TERB2: variants seen among roughly 807,000 people sequenced by gnomAD.
TERB2 encodes the protein telomere repeat binding bouquet formation protein 2.
TERB2 carries 26 observed loss-of-function variants against 29.8 expected under a neutral mutation model. The observed-to-expected ratio is 0.87, with a 90% CI of 0.64 to 1.21. TERB2 has a LOEUF of 1.21. Among genes scored for constraint, TERB2 ranks in the 50% most tolerant of loss-of-function variants. TERB2 has a pLI of 0.00. For synonymous variants in TERB2, 80 were observed against 90.8 expected, an observed-to-expected ratio of 0.88 and a Z score of 0.68; for missense variants, 240 against 268.6, an observed-to-expected ratio of 0.89 and a Z score of 0.74.
chr15:44,967,418 T>A (rs1891907683), intron 5 of TERB2, among the ~76,000 whole-genome samples: 1 of 152,242 alleles, frequency 6.6e-6, no homozygotes, highest in Admixed American at 6.5e-5. Context: ...GTAATCAGTC[T>A]AAAGCATTTA....
In TERB2 at chr15:44,958,516, A is replaced by G. The variant is rs760514018; in HGVS notation, c.286+4A>G. ...CCTCCTGCGTGCCTGCAAAAAGGTT[A>G]GCAAAGATCATTCAGCCAATCCCTG... is the stretch of plus-strand genomic sequence containing the variant. On this transcript the variant is annotated splice_donor_region_variant and intron_variant, in intron 3 of 6. Transcript: ENST00000340827. The G allele has an allele frequency of 6.9e-6, 11 of 1,604,420 alleles. No individual in the cohort carries two copies. Among genetic ancestry groups the G allele is most frequent in the Admixed American group, 1.7e-5 (1 of 58,376 alleles).
chr15:44,968,936 G>T (rs1220036042), intron 5 of TERB2, among the ~76,000 whole-genome samples: 1 of 151,944 alleles, frequency 6.6e-6, no homozygotes, highest in Non-Finnish European at 1.5e-5. Flanking sequence ...GTTTGTGTGT[G>T]TGAGAGAGAG....
chr15:44,962,183 C>CTT (rs776185424), intron 4 of TERB2, among the ~76,000 whole-genome samples: 5 of 138,216 alleles, frequency 3.6e-5, no homozygotes, highest in Admixed American at 7.2e-5. Flanking sequence ...TTTACCAGTT[C>CTT]TTTTTTTTTT....
At chr15:44,969,687 G>A (rs1891940406) in intron 5 of TERB2, among the ~76,000 whole-genome samples, 1 of 151,546 alleles carries the variant, frequency 6.6e-6, no homozygotes, top group South Asian at 2.1e-4. Context: ...CTAGCTACTT[G>A]GGAGGCTGGG....
chr15:44,969,158 A>C (rs980009652), intron 5 of TERB2, among the ~76,000 whole-genome samples: 2 of 152,044 alleles, frequency 1.3e-5, no homozygotes, highest in African/African-American at 4.8e-5. Flanking sequence ...ACAGTGGCAC[A>C]ATCTTGGCTC....
At chr15:44,964,772 C>G (rs182412108) in intron 4 of TERB2, among the ~76,000 whole-genome samples, 100 of 152,050 alleles carry the variant, frequency 6.6e-4, no homozygotes, top group African/African-American at 2.2e-3. Context: ...AGAATATATA[C>G]GTGGAAGGTA....
intron 3 of TERB2, among the ~76,000 whole-genome samples, chr15:44,959,941 T>G (rs1025064714): frequency 1.3e-5 from 2 of 152,208 alleles, no homozygotes; most frequent in African/African-American, 4.8e-5. Context: ...GTTCCTTCCA[T>G]AGTCAATGTC....
chr15:44,962,809 T>C (rs1309418904), intron 4 of TERB2: 1 of 152,160 alleles, frequency 6.6e-6, no homozygotes, highest in Non-Finnish European at 1.5e-5. Flanking sequence ...GATTATAATA[T>C]GTTAGGTAAA....
intron 5 of TERB2, among the ~76,000 whole-genome samples, chr15:44,969,260 C>T (rs113586208): frequency 0.017 from 2,582 of 152,226 alleles, 23 homozygotes; most frequent in Middle Eastern, 0.031. Flanking sequence ...TGTACCACCC[C>T]GTCTAGCCAA....
intron 3 of TERB2, 132 bp downstream of exon 3, chr15:44,958,644 A>G (rs767725170): frequency 4.1e-6 from 4 of 983,098 alleles, no homozygotes; most frequent in Non-Finnish European, 5.9e-6. Flanking sequence ...ATTTAACATA[A>G]GTGGAAAAAG....
chr15:44,961,103 T>C (rs1416389957), intron 3 of TERB2, among the ~76,000 whole-genome samples: 1 of 150,686 alleles, frequency 6.6e-6, no homozygotes, highest in East Asian at 1.9e-4. Flanking sequence ...CTAATGTATA[T>C]CTAATGATAC....
intron 4 of TERB2, among the ~76,000 whole-genome samples, chr15:44,962,151 A>G (rs977196989): frequency 6.6e-6 from 1 of 152,090 alleles, no homozygotes; most frequent in Non-Finnish European, 1.5e-5. Context: ...ACTAATAAGA[A>G]GAGAATAACA....
intron 4 of TERB2, among the ~76,000 whole-genome samples, chr15:44,963,804 C>CTTTTTTT (rs34438861): frequency 3.7e-4 from 29 of 79,164 alleles, no homozygotes; most frequent in African/African-American, 7.2e-4. Flanking sequence ...TTATACTATT[C>CTTTTTTT]TTTTTTTTTT....
intron 6 of TERB2, chr15:44,976,071 T>C (rs1892042957): frequency 6.6e-6 from 1 of 152,156 alleles, no homozygotes; most frequent in African/African-American, 2.4e-5. Context: ...TATTTATTTA[T>C]TTATTATAGA....
chr15:44,977,093 G>A (rs1206330103), intron 6 of TERB2, among the ~76,000 whole-genome samples: 1 of 112,750 alleles, frequency 8.9e-6, no homozygotes. Context: ...ATAAGACCCT[G>A]TCAAAACACA....
intron 5 of TERB2, among the ~76,000 whole-genome samples, chr15:44,967,614 A>G (rs1201140025): frequency 7.9e-5 from 12 of 152,010 alleles, no homozygotes; most frequent in African/African-American, 2.7e-4. Context: ...TACCTTTATC[A>G]GTGCCTGGAA....
chr15:44,960,089 T>C (rs1410168054), intron 3 of TERB2, among the ~76,000 whole-genome samples: 1 of 152,338 alleles, frequency 6.6e-6, no homozygotes, highest in East Asian at 1.9e-4. Flanking sequence ...GGAACTTATA[T>C]TGTAGAATGG....
At chr15:44,957,447 T>C (rs373864445) in intron 2 of TERB2, among the ~76,000 whole-genome samples, 1 of 152,104 alleles carries the variant, frequency 6.6e-6, no homozygotes. Context: ...CACCCGCATG[T>C]AGCGCCTTGA....
rs773238138 is a variant in TERB2, at chr15:44,966,218, G to T, written c.409G>T (p.Glu137Ter). 4.1e-5 allele frequency: 64 copies of T among 1,560,726 alleles called. No homozygotes were observed. Among genetic ancestry groups the T allele is most frequent in the Admixed American group, 7.9e-5 (4 of 50,512 alleles). Residue 137 changes from glutamate (E) to a stop codon, truncating the protein, a stop_gained, in exon 5 of 7, where the codon GAG becomes TAG. Coordinates refer to ENST00000340827, the MANE Select transcript of TERB2 (RefSeq NM_152448.3). LOFTEE classifies it high-confidence loss of function. ...TLRENSELAT[E>*]HKKELSKSPE... is the part of the protein sequence containing the mutation. ...TAGGGAAAACAGTGAACTAGCAACA[G>T]AGCACAAAAAAGAATTATCCAAAAG... is the stretch of plus-strand genomic sequence containing the variant.
Sources: gnomAD v4.1 joint callset for allele counts (sites outside exome capture counted in the v4.1 genomes callset) on GRCh38, gnomAD v4.1.1 for gene constraint, MANE v1.5 for transcripts, NCBI Gene and HGNC (gene_info 2026-07-23, HGNC 2026-07-21) for gene names.